The following AFG2A variants were observed in gnomAD, a reference collection of about 807,000 sequenced individuals.
AFG2A encodes the protein ATPase family gene 2 protein homolog A.
chr4:123,153,789 TTA>T, the AFG2A span, among the ~76,000 whole-genome samples: 3 of 151,938 alleles, frequency 2.0e-5, no homozygotes, highest in East Asian at 5.8e-4. Context: ...AAAGAAAACT[TTA>T]AAAGCAGTCA....
the AFG2A span, among the ~76,000 whole-genome samples, chr4:123,206,464 C>T: frequency 6.6e-6 from 1 of 152,120 alleles, no homozygotes; most frequent in African/African-American, 2.4e-5. Context: ...GCTGCAGACT[C>T]TGTGTTCTTA....
chr4:123,035,913 T>C, the AFG2A span, among the ~76,000 whole-genome samples: 3 of 152,130 alleles, frequency 2.0e-5, no homozygotes, highest in African/African-American at 7.2e-5. Flanking sequence ...TTATAAGAAG[T>C]TTAAAAATAA....
the AFG2A span, among the ~76,000 whole-genome samples, chr4:123,168,424 G>T: frequency 3.3e-5 from 5 of 152,094 alleles, no homozygotes; most frequent in Non-Finnish European, 5.9e-5. Context: ...TCAATAAGAA[G>T]AAATAAAAGT....
chr4:122,962,406 A>G, the AFG2A span, among the ~76,000 whole-genome samples: 2 of 152,190 alleles, frequency 1.3e-5, no homozygotes, highest in East Asian at 3.8e-4. Context: ...TATTTGTGAT[A>G]TTGGGATTTG....
At chr4:123,258,989 C>T in the AFG2A span, among the ~76,000 whole-genome samples, 2 of 151,648 alleles carry the variant, frequency 1.3e-5, no homozygotes, top group Non-Finnish European at 2.9e-5. Flanking sequence ...GCCTCAGCCT[C>T]CCAAGTCGCT....
chr4:122,942,265 G>T, the AFG2A span, among the ~76,000 whole-genome samples: 1 of 145,474 alleles, frequency 6.9e-6, no homozygotes, highest in African/African-American at 2.6e-5. Context: ...TGTGGTCCTG[G>T]ACTCTTTTTG....
At chr4:123,229,218 CAT>C in the AFG2A span, among the ~76,000 whole-genome samples, 2 of 151,912 alleles carry the variant, frequency 1.3e-5, no homozygotes, top group Admixed American at 6.6e-5. Context: ...AAAAAGCTAA[CAT>C]AGTCTGGGAG....
chr4:123,075,334 A>G, the AFG2A span, among the ~76,000 whole-genome samples: 1 of 151,402 alleles, frequency 6.6e-6, no homozygotes, highest in African/African-American at 2.4e-5. Context: ...GATATTGGTA[A>G]TGTTTCTGTT....
At chr4:123,092,363 GT>G in the AFG2A span, among the ~76,000 whole-genome samples, 6 of 152,166 alleles carry the variant, frequency 3.9e-5, no homozygotes, top group African/African-American at 7.2e-5. Flanking sequence ...GCTCTAAAAT[GT>G]CTTAGGATTT....
chr4:123,207,608 C>T, the AFG2A span, among the ~76,000 whole-genome samples: 2 of 152,134 alleles, frequency 1.3e-5, no homozygotes, highest in African/African-American at 2.4e-5. Flanking sequence ...TGAGCCACCA[C>T]GCCTAGCCCA....
the AFG2A span, among the ~76,000 whole-genome samples, chr4:122,998,717 GAC>G: frequency 6.6e-6 from 1 of 152,116 alleles, no homozygotes; most frequent in Non-Finnish European, 1.5e-5. Flanking sequence ...ATCATTGTTG[GAC>G]ATTTGGGTTG....
At chr4:123,017,212 AGAGGGAGAG>A in the AFG2A span, among the ~76,000 whole-genome samples, 1 of 102,214 alleles carries the variant, frequency 9.8e-6, no homozygotes, top group Non-Finnish European at 2.0e-5. Flanking sequence ...AGGGAGAGAG[AGAGGGAGAG>A]GGGGGAGAGG....
chr4:123,284,812 A>G, the AFG2A span, among the ~76,000 whole-genome samples: 1 of 152,192 alleles, frequency 6.6e-6, no homozygotes, highest in South Asian at 2.1e-4. Flanking sequence ...ATTCTCTGTC[A>G]GCTGCTACTG....
chr4:123,067,525 A>C, the AFG2A span, among the ~76,000 whole-genome samples: 10 of 152,280 alleles, frequency 6.6e-5, no homozygotes, highest in Middle Eastern at 3.4e-3. Context: ...CCCCCCAAAA[A>C]AAAGAAAGAG....
the AFG2A span, among the ~76,000 whole-genome samples, chr4:123,140,213 C>T: frequency 1.3e-5 from 2 of 152,022 alleles, no homozygotes; most frequent in African/African-American, 4.8e-5. Context: ...GCTGTTGATA[C>T]GGGAGAATGA....
chr4:123,309,912 C>T, the AFG2A span, among the ~76,000 whole-genome samples: 416 of 152,270 alleles, frequency 2.7e-3, 2 homozygotes, highest in Non-Finnish European at 2.4e-3. Context: ...GATTTCTTAA[C>T]GGAAATGCTG....
At chr4:123,082,109 A>G in the AFG2A span, among the ~76,000 whole-genome samples, 3 of 152,116 alleles carry the variant, frequency 2.0e-5, no homozygotes, top group Non-Finnish European at 2.9e-5. Flanking sequence ...GTCGTCTTTT[A>G]CAGAGCAGAA....
At chr4:123,299,116 AATGTGT>A in the AFG2A span, among the ~76,000 whole-genome samples, 1 of 72,130 alleles carries the variant, frequency 1.4e-5, no homozygotes, top group Non-Finnish European at 2.8e-5. Flanking sequence ...TGCATCTGCC[AATGTGT>A]GTGTGTGTGT....
At chr4:123,157,017 T>C in the AFG2A span, among the ~76,000 whole-genome samples, 2 of 148,150 alleles carry the variant, frequency 1.3e-5, no homozygotes, top group Admixed American at 6.7e-5. Flanking sequence ...CTCTACAAGC[T>C]TTTTTTTTTC....
Sources: gnomAD v4.1 joint callset for allele counts (sites outside exome capture counted in the v4.1 genomes callset) on GRCh38, gnomAD v4.1.1 for gene constraint, MANE v1.5 for transcripts, NCBI Gene and HGNC (gene_info 2026-07-23, HGNC 2026-07-21) for gene names.